The following KIF19 variants were observed in gnomAD, a reference collection of about 807,000 sequenced individuals.
The protein encoded by KIF19 is kinesin-like protein KIF19.
In KIF19, 98 loss-of-function variants were observed where a neutral mutation model predicts 106.6. The observed-to-expected ratio is 0.92, with a 90% CI of 0.78 to 1.09. KIF19 has a LOEUF of 1.09. Among genes scored for constraint, KIF19 ranks in the 50% least tolerant of loss-of-function variants. KIF19 has a pLI of 0.00. For missense variants in KIF19, 1,373 were observed against 1,414.3 expected (o/e 0.97, Z 0.47); for synonymous variants, 516 against 584.2 (o/e 0.88, Z 1.68).
rs773843931 is a variant in KIF19, at chr17:74,354,222, C to T, written c.2369C>T (p.Ser790Leu). The T allele has an allele frequency of 8.7e-6, 14 of 1,609,176 alleles. No individual in the cohort carries two copies. The highest frequency in any genetic ancestry group is 2.2e-5 in the East Asian group (1 of 44,870). The stretch of plus-strand genomic sequence containing the variant: ...TGGGTGAAGGCCGCCCGGCGGCGCT[C>T]GCGGGCCCTGGGAACCGAGGGGCGA... ...CIWVKAARRR[S>L]RALGTEGRHL... The change falls in exon 18 of 20, where the codon TCG becomes TTG. Residue 790 changes from serine (S) to leucine (L), a missense_variant. This residue lies in a region of KIF19 where 1,020 missense variants were observed against 1,008.2 expected (regional missense o/e 1.01). Transcript: ENST00000389916.
chr17:74,346,552 TG>T lies in KIF19; in HGVS notation c.924+31del. On this transcript the variant is annotated intron_variant, in intron 8 of 19. Transcript: ENST00000389916. This position sits in a 1 kb window ranked among gnomAD's most constrained non-coding sequence, Gnocchi z 4.6. ...ACCAGCCACAGCTGGGCCTGGGCAC[TG>T]GGCACCAAGGGTGAGGCTGCCAGAT... 3.2e-6 allele frequency: 5 copies of T among 1,546,346 alleles called. No homozygotes were observed. The highest frequency in any genetic ancestry group is 4.4e-6 in the Non-Finnish European group (5 of 1,143,132).
In KIF19 at chr17:74,346,785, A is replaced by C. The variant is rs2054543486; in HGVS notation, c.924+261A>C. ...CAAAGGCTGGGCAATGGGAAGGAAAAGGAGCACGTGATACCCCCACCCAGG... is the reference window on the plus strand; with the variant it reads ...CAAAGGCTGGGCAATGGGAAGGAAACGGAGCACGTGATACCCCCACCCAGG... On this transcript the variant is annotated intron_variant, in intron 8 of 19. Coordinates refer to ENST00000389916, the MANE Select transcript of KIF19 (RefSeq NM_153209.4). The surrounding 1 kb of genome is among the most constrained non-coding windows in gnomAD (Gnocchi z 4.6). 6.6e-6 allele frequency among the ~76,000 whole-genome samples: 1 copy of C among 152,226 alleles called. No individual in the cohort carries two copies. The highest frequency in any genetic ancestry group is 6.5e-5 in the Admixed American group (1 of 15,278).
Position 74,346,493 on chromosome 17 carries a change from A to G in KIF19, c.893A>G (p.Tyr298Cys), listed in dbSNP as rs1420686317. The G allele has an allele frequency of 1.3e-6, 2 of 1,551,548 alleles. No homozygotes were observed. The highest frequency in any genetic ancestry group is 2.0e-5 in the Admixed American group (1 of 51,058). The stretch of plus-strand genomic sequence containing the variant: ...AAGGGTAGCAACAAGTACATCAACT[A>G]TCGCGACAGCAAGCTCACCCGGCTC... ...SDKGSNKYIN[Y>C]RDSKLTRLLK... Residue 298 changes from tyrosine (Y) to cysteine (C), a missense_variant, in exon 8 of 20, where the codon TAT (tyrosine) becomes TGT (cysteine). Physicochemically the swap from Tyr to Cys is radical, Grantham distance 194. This residue lies in a region of KIF19 where 1,020 missense variants were observed against 1,008.2 expected (regional missense o/e 1.01). Coordinates refer to ENST00000389916, the MANE Select transcript of KIF19 (RefSeq NM_153209.4). This position sits in a 1 kb window ranked among gnomAD's most constrained non-coding sequence, Gnocchi z 4.6.
chr17:74,350,619 T>G, intron 11 of KIF19, 44 bp downstream of exon 11: 1 of 1,609,870 alleles, frequency 6.2e-7, no homozygotes, highest in Non-Finnish European at 8.5e-7. Flanking sequence ...CCCCTGTGCC[T>G]GGGACAGAGG....
rs141602550 is a variant in KIF19 at position 74,349,140 on chromosome 17, C to G, written c.1048-44C>G. ...TGCAGGCAGGCCTCGGTGAGTGCACCTGGGGTGACTGCATCCCCTCCGCTC... is the reference window on the plus strand; with the variant it reads ...TGCAGGCAGGCCTCGGTGAGTGCACGTGGGGTGACTGCATCCCCTCCGCTC... On this transcript the variant is annotated intron_variant, in intron 9 of 19. Transcript: ENST00000389916. 5,286 of 1,610,312 alleles carry G rather than the reference C, an allele frequency of 3.3e-3. 151 individuals carry two copies. In the African/African-American group the frequency reaches 0.06, roughly 18 times the overall value.
chr17:74,351,782 C>T (rs2054707480), intron 12 of KIF19, 85 bp from the exon 13 acceptor site: 2 of 1,338,906 alleles, frequency 1.5e-6, no homozygotes, highest in Non-Finnish European at 1.9e-6. Flanking sequence ...GCCTGGAGTC[C>T]AGGCGCTGGA....
Position 74,341,993 on chromosome 17 carries a change from G to A in KIF19, c.231+7G>A, listed in dbSNP as rs1370480296. ...TGACTTCACCGCCACCCAGGTGAGG[G>A]AGGGCCTGGGCTGGAGACACGCAGG... On this transcript the variant is annotated splice_region_variant and intron_variant, in intron 3 of 19. Transcript: ENST00000389916. 2.5e-6 allele frequency: 4 copies of A among 1,601,498 alleles called. No individual in the cohort carries two copies. In the Admixed American group the frequency reaches 5.1e-5, roughly 20 times the overall value.
rs2054678499 is a variant in KIF19 at position 74,350,769 on chromosome 17, A to G, written c.1451A>G (p.Tyr484Cys). 1.9e-6 allele frequency: 3 copies of G among 1,613,904 alleles called. No individual in the cohort carries two copies. Among genetic ancestry groups the G allele is most frequent in the Admixed American group, 1.7e-5 (1 of 60,008 alleles). ...KWREEQRKEC[Y>C]AKDDSEKDSD... ...CGGGAGGAGCAGCGAAAGGAGTGCT[A>G]CGCTAAGGACGACAGCGAGAAGGAC... Residue 484 changes from tyrosine (Y) to cysteine (C), a missense_variant, in exon 12 of 20, where the codon TAC becomes TGC. Physicochemically the swap from Tyr to Cys is radical, Grantham distance 194 (BLOSUM62 -2). Around this residue, in one of 3 missense-constraint regions of KIF19, gnomAD observed 1,020 missense variants for 1,008.2 expected, o/e 1.01. Transcript: ENST00000389916.
At chr17:74,334,871 A>T (rs952539618) in intron 2 of KIF19, among the ~76,000 whole-genome samples, 1 of 152,244 alleles carries the variant, frequency 6.6e-6, no homozygotes, top group Non-Finnish European at 1.5e-5. Flanking sequence ...CTGCAGATAA[A>T]GCCAGAGCCA....
chr17:74,352,682 C>A, intron 14 of KIF19, 139 bp from the exon 15 acceptor site: 1 of 1,085,290 alleles, frequency 9.2e-7, no homozygotes, highest in Non-Finnish European at 1.4e-6. Flanking sequence ...CCCCGAGGAC[C>A]CAAACACAAG....
Position 74,355,024 on chromosome 17 carries a change from C to T in KIF19, c.2866+83C>T. The T allele has an allele frequency of 3.9e-6, 6 of 1,549,390 alleles. No homozygotes were observed. In the South Asian group the frequency reaches 4.8e-5, roughly 12 times the overall value. On this transcript the variant is annotated intron_variant, in intron 19 of 19. Coordinates refer to ENST00000389916, the MANE Select transcript of KIF19 (RefSeq NM_153209.4). ...AGAAGACACATTGCATTTCCTGCGC[C>T]TCTGGCTGCCCCTTGCTGGAAGCAT...
intron 3 of KIF19, 75 bp downstream of exon 3, chr17:74,342,061 A>C (rs1210575622): frequency 1.8e-6 from 2 of 1,098,002 alleles, no homozygotes; most frequent in East Asian, 4.7e-5. Flanking sequence ...GGGGCCCTCC[A>C]GGGCCCCTGC....
rs1463932053 is a variant in KIF19, at chr17:74,344,882, A to G, written c.704A>G (p.Lys235Arg). Reference protein sequence around the residue: ...QVTVRQRSRVKNILQEVRQGR... With the variant: ...QVTVRQRSRVRNILQEVRQGR... ...ACCGTGCGCCAGCGCAGCCGGGTCA[A>G]GAACATCTTGCAGGAGGTGCGGCAG... The change falls in exon 7 of 20, where the codon AAG becomes AGG. Residue 235 changes from lysine (K) to arginine (R), a missense_variant. Lys to Arg is a conservative substitution (Grantham distance 26, BLOSUM62 2). Coordinates refer to ENST00000389916, the MANE Select transcript of KIF19 (RefSeq NM_153209.4). The G allele has an allele frequency of 6.2e-7, 1 of 1,612,680 alleles. No homozygotes were observed.
chr17:74,344,092 A>T, intron 5 of KIF19, 131 bp from the exon 6 acceptor site: 2 of 851,114 alleles, frequency 2.3e-6, no homozygotes, highest in Non-Finnish European at 1.8e-6. Context: ...GGCTCTTCTG[A>T]GAAGAGCCTG....
chr17:74,334,124 C>T (rs1444344112), intron 2 of KIF19, among the ~76,000 whole-genome samples: 1 of 152,092 alleles, frequency 6.6e-6, no homozygotes, highest in African/African-American at 2.4e-5. Flanking sequence ...TGTATCCAGT[C>T]ACCTGAACTT....
chr17:74,348,956 A>G (rs2054609734), intron 9 of KIF19: 1 of 562,964 alleles, frequency 1.8e-6, no homozygotes, highest in Non-Finnish European at 3.1e-6. Context: ...GCCCTTCAAC[A>G]ACGGGTGGAG....
chr17:74,353,142 A>G (rs1598400092), intron 15 of KIF19, 54 bp from the exon 16 acceptor site: 1 of 1,478,612 alleles, frequency 6.8e-7, no homozygotes, highest in African/African-American at 1.4e-5. Context: ...TGGGGGTGGG[A>G]CCTCGGTGAG....
rs2054082269 is a variant in KIF19 at position 74,331,577 on chromosome 17, G to A, written c.120+3072G>A. Reference sequence around the variant, plus strand: ...CTGGGGAAGCTGGAGTTCGGATTTGGATTTTTTTTTTTTTCTTGTGATGGA... The same window carrying A: ...CTGGGGAAGCTGGAGTTCGGATTTGAATTTTTTTTTTTTTCTTGTGATGGA... On this transcript the variant is annotated intron_variant, in intron 2 of 19. Coordinates refer to ENST00000389916, the MANE Select transcript of KIF19 (RefSeq NM_153209.4). The surrounding 1 kb of genome is among the most constrained non-coding windows in gnomAD (Gnocchi z 4.1). 7.8e-6 allele frequency among the ~76,000 whole-genome samples: 1 copy of A among 128,696 alleles called. No homozygotes were observed. Among genetic ancestry groups the A allele is most frequent in the Non-Finnish European group, 1.7e-5 (1 of 58,476 alleles). 84.4% of individuals were successfully genotyped at this position (128,696 alleles called of 152,430 possible). A position where few individuals can be genotyped will look rare whatever the true frequency, so the allele number is the denominator to read the frequency against.
chr17:74,341,945 T>C lies in KIF19; in HGVS notation c.190T>C (p.Ser64Pro), dbSNP rs1248260813. 6.2e-7 allele frequency: 1 copy of C among 1,613,330 alleles called. No individual in the cohort carries two copies. The highest frequency in any genetic ancestry group is 1.7e-5 in the Admixed American group (1 of 59,980). Residue 64 changes from serine to proline, a missense_variant, in exon 3 of 20, where the codon TCC becomes CCC. By Grantham distance (74) the Ser-to-Pro change is moderately conservative. This residue lies in a region of KIF19 where 348 missense variants were observed against 389.5 expected (regional missense o/e 0.89). Coordinates refer to ENST00000389916, the MANE Select transcript of KIF19 (RefSeq NM_153209.4). ...GCGGGCGCATCGCTCCCGGGAGAAG[T>C]CCTACCTGTTCGACGTGGCCTTTGA... Reference protein sequence around the residue: ...ILRAHRSREKSYLFDVAFDFT... With the variant: ...ILRAHRSREKPYLFDVAFDFT...
Sources: allele counts gnomAD v4.1 joint callset (sites outside exome capture counted in the v4.1 genomes callset), GRCh38; gene constraint gnomAD v4.1.1; regional missense constraint gnomAD v4.1.1; non-coding constraint Gnocchi (gnomAD v3.1); transcripts MANE v1.5; gene names NCBI Gene and HGNC (gene_info 2026-07-23, HGNC 2026-07-21).